ZNF407: variants seen among roughly 807,000 people sequenced by gnomAD.
ZNF407 encodes zinc finger protein 407.
A neutral mutation model predicts 131.2 loss-of-function variants in ZNF407; 17 were observed. The ratio of observed to expected loss-of-function variants is 0.13; its 90% CI spans 0.09 to 0.19. The LOEUF is 0.19. Among genes scored for constraint, ZNF407 ranks in the 10% least tolerant of loss-of-function variants. The probability of loss-of-function intolerance (pLI) is 1.00; values close to 1 mark genes in which losing one functional copy is unlikely to be tolerated. For missense variants in ZNF407, 2,681 were observed against 2,830.6 expected (o/e 0.95, Z 1.20); for synonymous variants, 1,156 against 1,062.0 (o/e 1.09, Z -1.72).
At chr18:74,885,596 T>A (rs1166472969) in intron 6 of ZNF407, among the ~76,000 whole-genome samples, 1 of 152,224 alleles carries the variant, frequency 6.6e-6, no homozygotes, top group African/African-American at 2.4e-5. Context: ...GTTACAATAA[T>A]GAAATCCTTC....
At position 74,959,780 on chromosome 18, in the gene ZNF407, G is replaced by A. The variant is rs528301534; in HGVS notation, c.5428+39088G>A. ...GATACATGAAGTGAAACGTATAAAGGTTGAAATTTTTAGGATTTGAGCCTT... is the reference window on the plus strand; with the variant it reads ...GATACATGAAGTGAAACGTATAAAGATTGAAATTTTTAGGATTTGAGCCTT... On this transcript the variant is annotated intron_variant, in intron 8 of 8. Transcript: ENST00000299687. Among the ~76,000 whole-genome samples, 16 of 152,312 alleles carry A rather than the reference G, an allele frequency of 1.1e-4. No individual in the cohort carries two copies. In the South Asian group the frequency reaches 2.1e-3, roughly 20 times the overall value.
chr18:74,794,717 C>A (rs907474714), intron 4 of ZNF407, among the ~76,000 whole-genome samples: 1 of 152,066 alleles, frequency 6.6e-6, no homozygotes, highest in Non-Finnish European at 1.5e-5. Flanking sequence ...AATATAACTT[C>A]ATAACTTCAC....
intron 4 of ZNF407, among the ~76,000 whole-genome samples, chr18:74,809,777 G>GGAGGTCT (rs1305051603): frequency 2.0e-5 from 3 of 152,168 alleles, no homozygotes; most frequent in Non-Finnish European, 2.9e-5. Flanking sequence ...TAGAGTGTAT[G>GGAGGTCT]GAGGTCTAAG....
At chr18:74,999,361 A>AC (rs1334218154) in intron 8 of ZNF407, among the ~76,000 whole-genome samples, 1 of 149,806 alleles carries the variant, frequency 6.7e-6, no homozygotes, top group Admixed American at 6.6e-5. Flanking sequence ...AAAAAAAAAA[A>AC]AAAAAAAAAA....
At chr18:75,059,891 A>T (rs1477040854) in intron 8 of ZNF407, among the ~76,000 whole-genome samples, 1 of 152,170 alleles carries the variant, frequency 6.6e-6, no homozygotes, top group Non-Finnish European at 1.5e-5. Flanking sequence ...TTAAACTCTG[A>T]TCTTCCCTCG....
intron 4 of ZNF407, among the ~76,000 whole-genome samples, chr18:74,849,928 A>G (rs1321634602): frequency 6.6e-6 from 1 of 152,224 alleles, no homozygotes; most frequent in Non-Finnish European, 1.5e-5. Flanking sequence ...TTATTAATGA[A>G]TAAGTATAAC....
At chr18:74,781,619 G>A in intron 4 of ZNF407, 117 bp downstream of exon 4, 1 of 689,756 alleles carries the variant, frequency 1.4e-6, no homozygotes. Context: ...GTTTCTATTT[G>A]TGGTACTCTT....
intron 3 of ZNF407, among the ~76,000 whole-genome samples, chr18:74,780,245 A>C (rs1418694877): frequency 6.6e-6 from 1 of 152,198 alleles, no homozygotes. Flanking sequence ...GAGATTCTGT[A>C]ATATTATATG....
chr18:74,999,369 A>C (rs977295149), intron 8 of ZNF407, among the ~76,000 whole-genome samples: 27 of 150,158 alleles, frequency 1.8e-4, no homozygotes, highest in African/African-American at 5.2e-4. Context: ...AAAAAAAAAA[A>C]AAAAAACAAA....
intron 6 of ZNF407, 121 bp downstream of exon 6, chr18:74,881,240 A>T: frequency 1.2e-6 from 1 of 810,190 alleles, no homozygotes. Context: ...GTGCACTTGA[A>T]GGTCTACAGA....
intron 4 of ZNF407, among the ~76,000 whole-genome samples, chr18:74,790,779 G>A (rs997397910): frequency 6.6e-6 from 1 of 152,120 alleles, no homozygotes; most frequent in African/African-American, 2.4e-5. Flanking sequence ...CTTGGTAGTT[G>A]CTTATAAAAG....
chr18:75,022,147 C>A (rs1174911391), intron 8 of ZNF407, among the ~76,000 whole-genome samples: 1 of 151,904 alleles, frequency 6.6e-6, no homozygotes, highest in Non-Finnish European at 1.5e-5. Flanking sequence ...AAATGATATA[C>A]CCTTTTGTCT....
intron 8 of ZNF407, among the ~76,000 whole-genome samples, chr18:75,038,782 C>G (rs1212637501): frequency 6.6e-6 from 1 of 152,148 alleles, no homozygotes; most frequent in Admixed American, 6.5e-5. Context: ...ACTGTATCAC[C>G]TAATCTTCCA....
intron 4 of ZNF407, among the ~76,000 whole-genome samples, chr18:74,807,390 G>T (rs1300065816): frequency 1.3e-5 from 2 of 148,878 alleles, no homozygotes; most frequent in African/African-American, 2.6e-5. Flanking sequence ...AGTCATGGAG[G>T]TAGTCTTCGT....
At chr18:74,749,110 G>A (rs1968738418) in intron 3 of ZNF407, among the ~76,000 whole-genome samples, 1 of 152,102 alleles carries the variant, frequency 6.6e-6, no homozygotes, top group East Asian at 1.9e-4. Flanking sequence ...ATGAGGCAGG[G>A]GACTAACATT....
At chr18:74,793,808 C>T (rs55867559) in intron 4 of ZNF407, among the ~76,000 whole-genome samples, 25,086 of 151,980 alleles carry the variant, frequency 0.17, 2,346 homozygotes, top group Non-Finnish European at 0.22. Context: ...AGCATTTTCC[C>T]GGGAGGAAAG....
chr18:74,857,014 A>T (rs1875611430), intron 4 of ZNF407, among the ~76,000 whole-genome samples: 1 of 152,222 alleles, frequency 6.6e-6, no homozygotes, highest in Admixed American at 6.5e-5. Context: ...GCACTCGTTA[A>T]TTAGATAAAG....
chr18:74,782,181 C>T (rs1969615555), intron 4 of ZNF407, among the ~76,000 whole-genome samples: 1 of 152,050 alleles, frequency 6.6e-6, no homozygotes, highest in African/African-American at 2.4e-5. Context: ...TAGTACTTTC[C>T]TTAAAGTCAG....
intron 4 of ZNF407, among the ~76,000 whole-genome samples, chr18:74,836,289 C>T (rs1415066591): frequency 6.6e-6 from 1 of 152,184 alleles, no homozygotes; most frequent in African/African-American, 2.4e-5. Context: ...TCTCCCCTTT[C>T]CTCCGTGGAG....
Sources: allele counts gnomAD v4.1 joint callset (sites outside exome capture counted in the v4.1 genomes callset), GRCh38; gene constraint gnomAD v4.1.1; transcripts MANE v1.5; gene names NCBI Gene and HGNC (gene_info 2026-07-23, HGNC 2026-07-21).